ARFGAP1: variants seen among roughly 807,000 people sequenced by gnomAD.
ARFGAP1 encodes the protein ADP-ribosylation factor GTPase-activating protein 1.
ARFGAP1 carries 26 observed loss-of-function variants against 54.0 expected under a neutral mutation model. The observed-to-expected ratio is 0.48, with a 90% CI of 0.35 to 0.67. The LOEUF (loss-of-function observed/expected upper bound fraction) is 0.67, where lower values mean the gene tolerates loss of function less well. Among genes scored for constraint, ARFGAP1 ranks in the 30% least tolerant of loss-of-function variants. The probability of loss-of-function intolerance (pLI) is 0.00; values close to 1 mark genes in which losing one functional copy is unlikely to be tolerated. For missense variants in ARFGAP1, 525 were observed against 535.8 expected, an observed-to-expected ratio of 0.98 and a Z score of 0.20; for synonymous variants, 248 against 211.9, an observed-to-expected ratio of 1.17 and a Z score of -1.48.
At chr20:63,285,537 G>A (rs929883140) in intron 10 of ARFGAP1, 117 bp from the exon 11 acceptor site, 4 of 1,063,300 alleles carry the variant, frequency 3.8e-6, no homozygotes, top group African/African-American at 3.1e-5. Context: ...CAGCCTGATG[G>A]GTATCCACAT....
rs540175435 is a variant in ARFGAP1 at position 63,276,724 on chromosome 20, C to A, written c.342+73C>A. On this transcript the variant is annotated intron_variant, in intron 4 of 12. Coordinates refer to ENST00000370283, the MANE Select transcript of ARFGAP1 (RefSeq NM_018209.4). This position sits in a 1 kb window ranked among gnomAD's most constrained non-coding sequence, Gnocchi z 5.2. ...GCCGTTTGTGGCAGCTGGACTGTGGCCTTTAGTGGTTCTGGAGTCGGTTCT... is the reference window on the plus strand; with the variant it reads ...GCCGTTTGTGGCAGCTGGACTGTGGACTTTAGTGGTTCTGGAGTCGGTTCT... 5 of 1,489,824 alleles carry A rather than the reference C, an allele frequency of 3.4e-6. No individual in the cohort carries two copies. In the East Asian group the frequency reaches 1.2e-4, roughly 34 times the overall value. 92.3% of individuals were successfully genotyped at this position (1,489,824 alleles called of 1,614,324 possible).
chr20:63,282,359 C>G (rs1023825841), intron 8 of ARFGAP1, among the ~76,000 whole-genome samples: 2 of 152,268 alleles, frequency 1.3e-5, no homozygotes, highest in African/African-American at 4.8e-5. Flanking sequence ...TTTCTCCTCC[C>G]CCCGAGCTTT....
intron 9 of ARFGAP1, chr20:63,284,192 G>C: frequency 5.4e-6 from 7 of 1,289,168 alleles, no homozygotes; most frequent in Non-Finnish European, 6.9e-6. Context: ...AGGGAGGGCG[G>C]GGGCACTGGG....
At chr20:63,281,266 GGCT>G (rs1601350516) in intron 7 of ARFGAP1, 22 bp from the exon 8 acceptor site, 4 of 1,587,602 alleles carry the variant, frequency 2.5e-6, no homozygotes, top group Non-Finnish European at 3.4e-6. Flanking sequence ...GTCCTGATGT[GGCT>G]GCTCTTTGTC....
intron 5 of ARFGAP1, among the ~76,000 whole-genome samples, chr20:63,277,829 G>T (rs2067272971): frequency 6.6e-6 from 1 of 152,248 alleles, no homozygotes; most frequent in Non-Finnish European, 1.5e-5. Context: ...CTTGATTCCA[G>T]GCCCTCGGCC....
chr20:63,273,966 C>T (rs1270448136), intron 1 of ARFGAP1: 1 of 152,248 alleles, frequency 6.6e-6, no homozygotes, highest in Non-Finnish European at 1.5e-5. Flanking sequence ...GCCAGGGCAC[C>T]TCTCCCCACA....
intron 5 of ARFGAP1, 120 bp downstream of exon 5, chr20:63,277,425 G>T: frequency 1.1e-6 from 1 of 886,436 alleles, no homozygotes; most frequent in Non-Finnish European, 1.6e-6. Flanking sequence ...CCAGAAGTCA[G>T]TGGGAAAAAC....
In ARFGAP1 at chr20:63,279,597, G is replaced by C. The variant is rs569527058; in HGVS notation, c.627+602G>C. ...CAAGGACTCTGATGGCAGCCACTTG[G>C]CCAGGTTCTCTGCAGAGGGGAGTGC... is the stretch of plus-strand genomic sequence containing the variant. On this transcript the variant is annotated intron_variant, in intron 7 of 12. Coordinates refer to ENST00000370283, the MANE Select transcript of ARFGAP1 (RefSeq NM_018209.4). Among the ~76,000 whole-genome samples the C allele has an allele frequency of 1.2e-4, 18 of 152,288 alleles. No individual in the cohort carries two copies. The East Asian group carries it at 1.5e-3, about 13-fold the overall frequency.
chr20:63,280,869 G>A (rs2067362160), intron 7 of ARFGAP1, among the ~76,000 whole-genome samples: 1 of 152,184 alleles, frequency 6.6e-6, no homozygotes, highest in Non-Finnish European at 1.5e-5. Context: ...ATTATCTTGA[G>A]AGGCTCAGAA....
intron 6 of ARFGAP1, 126 bp downstream of exon 6, chr20:63,278,329 C>A: frequency 1.0e-6 from 1 of 958,890 alleles, no homozygotes; most frequent in Non-Finnish European, 1.6e-6. Context: ...ATGCGCGGTG[C>A]AGGGTCTGAT....
At chr20:63,287,047 C>T (rs865852456) in intron 12 of ARFGAP1, among the ~76,000 whole-genome samples, 1 of 152,270 alleles carries the variant, frequency 6.6e-6, no homozygotes. Context: ...ACTGAGAGGC[C>T]AGCCCTGGTG....
At chr20:63,280,032 C>G (rs2047994851) in intron 7 of ARFGAP1, among the ~76,000 whole-genome samples, 1 of 152,060 alleles carries the variant, frequency 6.6e-6, no homozygotes, top group Non-Finnish European at 1.5e-5. Context: ...GCCCCAGCTA[C>G]TGAGGAAGCT....
chr20:63,280,644 C>T (rs1452073162), intron 7 of ARFGAP1, among the ~76,000 whole-genome samples: 1 of 152,218 alleles, frequency 6.6e-6, no homozygotes, highest in African/African-American at 2.4e-5. Flanking sequence ...GCAGTCATTG[C>T]TACATCTTTA....
chr20:63,273,541 CTT>C (rs1219219849), intron 1 of ARFGAP1: 6 of 152,198 alleles, frequency 3.9e-5, no homozygotes, highest in Middle Eastern at 3.4e-3. Flanking sequence ...GTGTTACTAA[CTT>C]TAACATTTCA....
At position 63,287,644 on chromosome 20, in the gene ARFGAP1, C is replaced by A. The variant is rs2067595893; in HGVS notation, c.992C>A (p.Thr331Asn). 3 of 1,612,628 alleles carry A rather than the reference C, an allele frequency of 1.9e-6. No individual in the cohort carries two copies. The highest frequency in any genetic ancestry group is 1.1e-5 in the South Asian group (1 of 91,050). Residue 331 changes from threonine (T) to asparagine (N), a missense_variant, in exon 13 of 13, where the codon ACC (threonine) becomes AAC (asparagine). Coordinates refer to ENST00000370283, the MANE Select transcript of ARFGAP1 (RefSeq NM_018209.4). The part of the protein sequence containing the change: ...NSNIDQSFWE[T>N]FGSAEPTKTR... ...AACATAGACCAGAGCTTCTGGGAGACCTTTGGAAGTGCTGAGCCCACCAAG... is the reference window on the plus strand; with the variant it reads ...AACATAGACCAGAGCTTCTGGGAGAACTTTGGAAGTGCTGAGCCCACCAAG...
intron 9 of ARFGAP1, chr20:63,284,408 T>C: frequency 9.3e-7 from 1 of 1,074,760 alleles, no homozygotes; most frequent in Middle Eastern, 2.7e-4. Context: ...CAGGAGAGGC[T>C]GAGCTCCTTT....
At chr20:63,275,490 T>C in intron 1 of ARFGAP1, 87 bp from the exon 2 acceptor site, 1 of 1,294,702 alleles carries the variant, frequency 7.7e-7, no homozygotes, top group Non-Finnish European at 1.1e-6. Flanking sequence ...GGTTTTCTGT[T>C]GTGTGGTGTT....
In ARFGAP1 at chr20:63,286,348, C is replaced by T. The variant is rs1417518440; in HGVS notation, c.835-18C>T. 1 of 1,612,858 alleles carries T rather than the reference C, an allele frequency of 6.2e-7. No homozygotes were observed. The highest frequency in any genetic ancestry group is 2.2e-5 in the East Asian group (1 of 44,874). ...CCGCGACAGGGCCTGCCTAACCTCT[C>T]TTCCCGTCTCCTTCCAGGTCCAGGG... On this transcript the variant is annotated intron_variant, in intron 11 of 12. Transcript: ENST00000370283.
chr20:63,285,445 G>A (rs1347435597), intron 10 of ARFGAP1: 12 of 611,318 alleles, frequency 2.0e-5, no homozygotes, highest in African/African-American at 3.7e-5. Context: ...CAGGGGCCAC[G>A]TTTGCAGACA....
Sources: gnomAD v4.1 joint callset for allele counts (sites outside exome capture counted in the v4.1 genomes callset) on GRCh38, gnomAD v4.1.1 for gene constraint, Gnocchi (gnomAD v3.1) non-coding constraint, MANE v1.5 for transcripts, NCBI Gene and HGNC (gene_info 2026-07-23, HGNC 2026-07-21) for gene names.